Variants in SGCD observed in about 807,000 individuals in gnomAD.
SGCD encodes sarcoglycan delta.
Under a neutral mutation model 36.6 loss-of-function variants are expected in SGCD, and 18 were observed. That is an observed-to-expected ratio of 0.49 (90% CI 0.34 to 0.73). The LOEUF is 0.73. SGCD is among the 30% of genes least tolerant of loss of function. SGCD has a pLI of 0.01. For synonymous variants in SGCD, 133 were observed against 130.6 expected (o/e 1.02, Z -0.12); for missense variants, 387 against 346.7 (o/e 1.12, Z -0.92).
chr5:156,674,179 G>A lies in SGCD; in HGVS notation c.575+26643G>A, dbSNP rs1447687772. ...GTGAGACACACAAACATAATGGATT[G>A]GACATGGCCCACTTTTGGCATTTGA... On this transcript the variant is annotated intron_variant, in intron 7 of 8. Transcript: ENST00000337851. Among the ~76,000 whole-genome samples, 3 of 152,152 alleles carry A rather than the reference G, an allele frequency of 2.0e-5. No individual in the cohort carries two copies. In the East Asian group the frequency reaches 5.8e-4, roughly 29 times the overall value.
chr5:156,224,507 A>C (rs889892623), intron 3 of SGCD, among the ~76,000 whole-genome samples: 2 of 152,242 alleles, frequency 1.3e-5, no homozygotes, highest in Admixed American at 1.3e-4. Flanking sequence ...TACTCTAAAG[A>C]GATTTGTTTC....
At chr5:156,269,633 T>A (rs1164144947) in intron 3 of SGCD, among the ~76,000 whole-genome samples, 1 of 152,000 alleles carries the variant, frequency 6.6e-6, no homozygotes, top group African/African-American at 2.4e-5. Flanking sequence ...GGAGGTACAA[T>A]ATAAGTTGAG....
chr5:156,419,923 C>T (rs1034838968), intron 3 of SGCD, among the ~76,000 whole-genome samples: 2 of 152,040 alleles, frequency 1.3e-5, no homozygotes, highest in African/African-American at 4.8e-5. Flanking sequence ...CAATGAGCTG[C>T]TTTTCTGTAT....
chr5:155,828,615 G>T, the SGCD span, among the ~76,000 whole-genome samples: 7 of 151,986 alleles, frequency 4.6e-5, no homozygotes, highest in Non-Finnish European at 8.8e-5. Flanking sequence ...TTCTGATGTT[G>T]AAAAACTCTC....
chr5:156,195,546 C>T (rs547451750), intron 3 of SGCD, among the ~76,000 whole-genome samples: 27 of 152,274 alleles, frequency 1.8e-4, no homozygotes, highest in South Asian at 1.7e-3. Context: ...TTAAATCATT[C>T]AAATCATCCC....
chr5:155,947,133 G>A (rs940024188), intron 1 of SGCD, among the ~76,000 whole-genome samples: 10 of 152,086 alleles, frequency 6.6e-5, no homozygotes, highest in Non-Finnish European at 1.2e-4. Flanking sequence ...AAGATAGATG[G>A]GCAAATGTCT....
At chr5:155,738,857 G>A in the SGCD span, among the ~76,000 whole-genome samples, 2 of 145,376 alleles carry the variant, frequency 1.4e-5, no homozygotes, top group Non-Finnish European at 3.1e-5. Flanking sequence ...ATGTATATGA[G>A]AGTGTGTGAG....
At chr5:155,914,881 AT>A (rs1756705345) in intron 1 of SGCD, among the ~76,000 whole-genome samples, 1 of 152,180 alleles carries the variant, frequency 6.6e-6, no homozygotes, top group African/African-American at 2.4e-5. Flanking sequence ...TTCTTGGCAA[AT>A]TTTTAGTTTG....
intron 3 of SGCD, among the ~76,000 whole-genome samples, chr5:156,453,344 T>C (rs1754109824): frequency 6.6e-6 from 1 of 152,172 alleles, no homozygotes; most frequent in Non-Finnish European, 1.5e-5. Context: ...GTTACAGAAC[T>C]AGCTGTTTTA....
intron 4 of SGCD, among the ~76,000 whole-genome samples, chr5:156,582,402 A>G (rs1240870075): frequency 2.0e-5 from 3 of 152,238 alleles, no homozygotes; most frequent in East Asian, 3.9e-4. Context: ...ATAAAAGGGC[A>G]ACCAATTGAG....
chr5:156,227,946 G>A (rs1289796149), intron 3 of SGCD, among the ~76,000 whole-genome samples: 1 of 151,992 alleles, frequency 6.6e-6, no homozygotes, highest in Non-Finnish European at 1.5e-5. Flanking sequence ...GTATTTGCAT[G>A]GTTTTGAAGG....
At chr5:156,237,670 G>A (rs2127654480) in intron 3 of SGCD, among the ~76,000 whole-genome samples, 1 of 152,238 alleles carries the variant, frequency 6.6e-6, no homozygotes, top group African/African-American at 2.4e-5. Flanking sequence ...AGAAGGGACA[G>A]AGGATCCTAT....
At chr5:156,096,017 A>G (rs577327241) in intron 1 of SGCD, among the ~76,000 whole-genome samples, 7 of 152,206 alleles carry the variant, frequency 4.6e-5, no homozygotes, top group Non-Finnish European at 1.0e-4. Context: ...CTTTCCTTGT[A>G]CCAGTGAAAC....
At chr5:156,412,256 G>T (rs1022509314) in intron 3 of SGCD, among the ~76,000 whole-genome samples, 4 of 152,172 alleles carry the variant, frequency 2.6e-5, no homozygotes, top group African/African-American at 7.2e-5. Context: ...TCCCATTCAG[G>T]CTGGTTAGCG....
chr5:155,741,645 T>G, the SGCD span, among the ~76,000 whole-genome samples: 1 of 151,860 alleles, frequency 6.6e-6, no homozygotes, highest in Non-Finnish European at 1.5e-5. Flanking sequence ...CACTTTCCCA[T>G]CATGGCCTGA....
At chr5:155,855,743 G>C in the SGCD span, among the ~76,000 whole-genome samples, 1 of 152,164 alleles carries the variant, frequency 6.6e-6, no homozygotes, top group Non-Finnish European at 1.5e-5. Flanking sequence ...GAGATTCAGA[G>C]AGGACAAAAA....
intron 1 of SGCD, among the ~76,000 whole-genome samples, chr5:155,939,995 G>T (rs766610431): frequency 6.6e-6 from 1 of 151,820 alleles, no homozygotes; most frequent in South Asian, 2.1e-4. Context: ...CATCATGCCC[G>T]GCTAATTTTT....
At position 156,344,690 on chromosome 5, in the gene SGCD, A is replaced by G. The variant is rs1214540554; in HGVS notation, c.192+13A>G. 1.3e-6 allele frequency: 2 copies of G among 1,584,484 alleles called. No homozygotes were observed. The highest frequency in any genetic ancestry group is 1.4e-5 in the African/African-American group (1 of 73,434). On this transcript the variant is annotated intron_variant, in intron 3 of 8. Transcript: ENST00000337851. ...GAACTTCACAATTGTAAGTAAAACC[A>G]TCTAGGTTTGTTTAGCTTTCTTCCG...
chr5:156,673,658 A>G (rs1753395614), intron 7 of SGCD, among the ~76,000 whole-genome samples: 2 of 152,196 alleles, frequency 1.3e-5, no homozygotes, highest in African/African-American at 4.8e-5. Context: ...TCCCTTGACA[A>G]TCCAAGCACC....
Sources: gnomAD v4.1 joint callset for allele counts (sites outside exome capture counted in the v4.1 genomes callset) on GRCh38, gnomAD v4.1.1 for gene constraint, MANE v1.5 for transcripts, NCBI Gene and HGNC (gene_info 2026-07-23, HGNC 2026-07-21) for gene names.